The following NTF4 variants were observed in gnomAD, a reference collection of about 807,000 sequenced individuals.
NTF4 encodes neurotrophin 4, also known as neurotrophin-4.
Under a neutral mutation model 4.4 loss-of-function variants are expected in NTF4, and 2 were observed. That is an observed-to-expected ratio of 0.46 (90% CI 0.19 to 1.44). The LOEUF is 1.44. Ranked by LOEUF, NTF4 falls within the 40% of genes most tolerant of loss-of-function variation. The probability of loss-of-function intolerance (pLI) is 0.26; values close to 1 mark genes in which losing one functional copy is unlikely to be tolerated. For synonymous variants in NTF4, 127 were observed against 122.0 expected, an observed-to-expected ratio of 1.04 and a Z score of -0.27; for missense variants, 260 against 293.0, an observed-to-expected ratio of 0.89 and a Z score of 0.82.
rs759376040 is a variant in NTF4, at chr19:49,061,587, A to G, written c.411T>C (p.Phe137=). 9 of 1,613,994 alleles carry G rather than the reference A, an allele frequency of 5.6e-6. No individual in the cohort carries two copies. The highest frequency in any genetic ancestry group is 6.8e-6 in the Non-Finnish European group (8 of 1,180,032). ...CGTTATCAGCCTTGCAGCGGGTTTCAAAGAAGTACTGGCGGAGGGGACTGC... is the reference window on the plus strand; with the variant it reads ...CGTTATCAGCCTTGCAGCGGGTTTCGAAGAAGTACTGGCGGAGGGGACTGC... The change falls in exon 1 of 1, where the codon TTT becomes TTC. Residue 137 remains phenylalanine (F), a synonymous_variant. Coordinates refer to ENST00000593537, the Ensembl canonical transcript of NTF4. The surrounding 1 kb of genome is among the most constrained non-coding windows in gnomAD (Gnocchi z 4.9).
At chr19:49,062,014 A>T (rs755020186), upstream of NTF4, 1 of 1,446,564 alleles carries the variant, frequency 6.9e-7, no homozygotes, top group Non-Finnish European at 9.1e-7. Context: ...GAGCACCTGG[A>T]GACAGAAAGA....
downstream of NTF4, chr19:49,058,784 T>C (rs1374847522): frequency 6.1e-6 from 1 of 163,528 alleles, no homozygotes; most frequent in Non-Finnish European, 1.3e-5. Context: ...ACCCCCTCCC[T>C]GTAGCCAAGC....
upstream of NTF4, among the ~76,000 whole-genome samples, chr19:49,063,411 A>C (rs2040177326): frequency 6.9e-6 from 1 of 144,266 alleles, no homozygotes; most frequent in Non-Finnish European, 1.5e-5. Context: ...TCCGCCTCCC[A>C]AGTTCATGGC....
Position 49,061,068 on chromosome 19 carries a change from C to T in NTF4, c.*297G>A, listed in dbSNP as rs2040125340. 1 of 456,716 alleles carries T rather than the reference C, an allele frequency of 2.2e-6. No individual in the cohort carries two copies. The highest frequency in any genetic ancestry group is 2.3e-5 in the South Asian group (1 of 43,676). 28.3% of individuals were successfully genotyped at this position (456,716 alleles called of 1,614,324 possible). A position where few individuals can be genotyped will look rare whatever the true frequency, so the allele number is the denominator to read the frequency against. On this transcript the variant is annotated 3_prime_UTR_variant, in exon 1 of 1. Coordinates refer to ENST00000593537, the Ensembl canonical transcript of NTF4. This position sits in a 1 kb window ranked among gnomAD's most constrained non-coding sequence, Gnocchi z 4.9. ...ACCAAGGGCCACCAATGATCAAATC[C>T]ATGAGAGTTGATCTGAGGAGTTATG...
Position 49,061,757 on chromosome 19 carries a change from C to A in NTF4, c.241G>T (p.Gly81Trp). ...CTCGCTGGTGCAGTTTCGCTCACCC[C>A]ACGCCGGCTGCGGTTGGCCGGGGCA... Residue 81 changes from glycine (G) to tryptophan (W), a missense_variant, in exon 1 of 1, where the codon GGG (glycine) becomes TGG (tryptophan). Gly to Trp is a radical substitution (Grantham distance 184, BLOSUM62 -2). Transcript: ENST00000593537. The surrounding 1 kb of genome is among the most constrained non-coding windows in gnomAD (Gnocchi z 4.9). 1.3e-6 allele frequency: 2 copies of A among 1,597,918 alleles called. No individual in the cohort carries two copies. Among genetic ancestry groups the A allele is most frequent in the African/African-American group, 1.3e-5 (1 of 74,480 alleles).
downstream of NTF4, among the ~76,000 whole-genome samples, chr19:49,060,362 G>A (rs1483595431): frequency 1.3e-5 from 2 of 151,902 alleles, no homozygotes; most frequent in South Asian, 2.1e-4. Flanking sequence ...ATGGAGTTTC[G>A]CTCTTTTTGC....
rs112004444 is a variant in NTF4, at chr19:49,061,173, G to C, written c.*192C>G. 3.2e-5 allele frequency: 31 copies of C among 969,998 alleles called. No individual in the cohort carries two copies. Among genetic ancestry groups the C allele is most frequent in the African/African-American group, 3.0e-4 (18 of 60,800 alleles). The allele number at this position is 969,998 out of a possible 1,614,324, so 60.1% of individuals were successfully genotyped here. A position where few individuals can be genotyped will look rare whatever the true frequency, so the allele number is the denominator to read the frequency against. On this transcript the variant is annotated 3_prime_UTR_variant, in exon 1 of 1. Transcript: ENST00000593537. This position sits in a 1 kb window ranked among gnomAD's most constrained non-coding sequence, Gnocchi z 4.9. ...TCATCATCATTATTACCCTCAAGTT[G>C]CTCCAGGAGAACTCCTATTCAACCT...
chr19:49,060,086 T>A (rs2122218109), downstream of NTF4, among the ~76,000 whole-genome samples: 1 of 113,036 alleles, frequency 8.8e-6, no homozygotes, highest in Non-Finnish European at 1.7e-5. Context: ...GGTCAAGGCC[T>A]CTGACTGCTC....
At chr19:49,059,749 T>C (rs1460752408), downstream of NTF4, among the ~76,000 whole-genome samples, 3 of 152,010 alleles carry the variant, frequency 2.0e-5, no homozygotes, top group Non-Finnish European at 4.4e-5. Flanking sequence ...ACTTCTTCAC[T>C]ATAAACAGCT....
At chr19:49,062,002 C>T (rs1467713674), upstream of NTF4, 11 of 1,457,424 alleles carry the variant, frequency 7.5e-6, no homozygotes, top group Non-Finnish European at 1.0e-5. Flanking sequence ...GAGCATCTCT[C>T]GGAGCACCTG....
Position 49,061,503 on chromosome 19 carries a change from G to T in NTF4, c.495C>A (p.His165Gln), listed in dbSNP as rs772979004. The change falls in exon 1 of 1, where the codon CAC (histidine) becomes CAA (glutamine). Residue 165 changes from histidine (H) to glutamine (Q), a missense_variant. Physicochemically the swap from His to Gln is conservative, Grantham distance 24 (BLOSUM62 0). Coordinates refer to ENST00000593537, the Ensembl canonical transcript of NTF4. The surrounding 1 kb of genome is among the most constrained non-coding windows in gnomAD (Gnocchi z 4.9). The stretch of plus-strand genomic sequence containing the variant: ...GCTTGGCCTTGCACTCAGATACCCA[G>T]TGCCTCCTGTCCACTCCCCGGCAGC... 6.2e-6 allele frequency: 10 copies of T among 1,614,138 alleles called. No homozygotes were observed. The South Asian group carries it at 9.9e-5, about 16-fold the overall frequency.
At chr19:49,059,481 C>G (rs12973356), downstream of NTF4, among the ~76,000 whole-genome samples, 81,159 of 151,996 alleles carry the variant, frequency 0.53, 22,085 homozygotes, top group African/African-American at 0.62. Flanking sequence ...CCAGAGGCGA[C>G]AGACACTGGA....
chr19:49,064,941 G>C (rs1212582519), upstream of NTF4: 1 of 152,046 alleles, frequency 6.6e-6, no homozygotes, highest in Non-Finnish European at 1.5e-5. Context: ...AGGAGGAGTG[G>C]AGATCTTACC....
chr19:49,061,729 C>T lies in NTF4; in HGVS notation c.269G>A (p.Arg90His), dbSNP rs766504681. The change falls in exon 1 of 1, where the codon CGT becomes CAT. Residue 90 changes from arginine to histidine, a missense_variant. Physicochemically the swap from Arg to His is conservative, Grantham distance 29 (BLOSUM62 0). Coordinates refer to ENST00000593537, the Ensembl canonical transcript of NTF4. This position sits in a 1 kb window ranked among gnomAD's most constrained non-coding sequence, Gnocchi z 4.9. ...ATCGCACACAGCCAGCTCACCCCGA[C>T]GACTCGCTGGTGCAGTTTCGCTCAC... 33 of 1,612,268 alleles carry T rather than the reference C, an allele frequency of 2.0e-5. No homozygotes were observed. The highest frequency in any genetic ancestry group is 6.7e-5 in the Admixed American group (4 of 59,900).
chr19:49,059,774 G>A (rs372321180), downstream of NTF4, among the ~76,000 whole-genome samples: 25 of 152,196 alleles, frequency 1.6e-4, no homozygotes, highest in South Asian at 2.3e-3. Context: ...ATCACCGGGC[G>A]CAGTGGCTCA....
upstream of NTF4, chr19:49,064,012 G>A (rs1259882739): frequency 6.5e-6 from 1 of 153,576 alleles, no homozygotes; most frequent in African/African-American, 2.4e-5. Flanking sequence ...TTCTACCCAG[G>A]TGATGGCTCC....
chr19:49,064,338 A>T (rs1042008823), upstream of NTF4: 1 of 153,474 alleles, frequency 6.5e-6, no homozygotes, highest in African/African-American at 2.4e-5. Context: ...AAAGGAGCCC[A>T]GGCTGACCCA....
upstream of NTF4, chr19:49,064,490 C>A: frequency 6.2e-6 from 1 of 161,232 alleles, no homozygotes. Flanking sequence ...CTCTCAGACC[C>A]AGAAGTCCAG....
chr19:49,062,291 C>T (rs547795025), upstream of NTF4, among the ~76,000 whole-genome samples: 21 of 152,260 alleles, frequency 1.4e-4, no homozygotes, highest in East Asian at 3.9e-3. Flanking sequence ...AGTTCCAGAG[C>T]AGCCTGGCCA....
Sources: gnomAD v4.1 joint callset for allele counts (sites outside exome capture counted in the v4.1 genomes callset) on GRCh38, gnomAD v4.1.1 for gene constraint, Gnocchi (gnomAD v3.1) non-coding constraint, MANE v1.5 for transcripts, NCBI Gene and HGNC (gene_info 2026-07-23, HGNC 2026-07-21) for gene names.